The following DLGAP2 variants were observed in gnomAD, a reference collection of about 807,000 sequenced individuals.
DLGAP2 encodes the protein DLG associated protein 2, also known as disks large-associated protein 2.
A neutral mutation model predicts 100.3 loss-of-function variants in DLGAP2; 26 were observed. The ratio of observed to expected loss-of-function variants is 0.26; its 90% CI spans 0.19 to 0.36. The LOEUF is 0.36. Among genes scored for constraint, DLGAP2 ranks in the 10% least tolerant of loss-of-function variants. The probability of loss-of-function intolerance (pLI) is 1.00; values close to 1 mark genes in which losing one functional copy is unlikely to be tolerated. For synonymous variants in DLGAP2, 886 were observed against 630.1 expected, an observed-to-expected ratio of 1.41 and a Z score of -6.08; for missense variants, 1,858 against 1,453.2, an observed-to-expected ratio of 1.28 and a Z score of -4.53.
chr8:1,635,882 CCTG>C (rs1797754193), intron 8 of DLGAP2, among the ~76,000 whole-genome samples: 2 of 152,192 alleles, frequency 1.3e-5, no homozygotes, highest in Admixed American at 1.3e-4. Context: ...CCCCAGTTCA[CCTG>C]CTTTTTCACT....
intron 2 of DLGAP2, among the ~76,000 whole-genome samples, chr8:1,175,429 C>G (rs1456051322): frequency 6.6e-6 from 1 of 152,278 alleles, no homozygotes; most frequent in East Asian, 1.9e-4. Flanking sequence ...CTAAAATAGC[C>G]TTCATTTATA....
intron 3 of DLGAP2, among the ~76,000 whole-genome samples, chr8:1,390,770 C>G (rs1404164907): frequency 1.3e-5 from 2 of 152,212 alleles, no homozygotes; most frequent in Admixed American, 1.3e-4. Flanking sequence ...TTCAGCTCAA[C>G]CCTCTGTTAC....
At chr8:1,355,727 C>A (rs11784555) in intron 3 of DLGAP2, among the ~76,000 whole-genome samples, 3 of 151,964 alleles carry the variant, frequency 2.0e-5, no homozygotes, top group Non-Finnish European at 4.4e-5. Context: ...CCACAGAGCT[C>A]TGAACAAGAC....
At chr8:1,470,174 T>A (rs1798740758) in intron 3 of DLGAP2, among the ~76,000 whole-genome samples, 1 of 151,698 alleles carries the variant, frequency 6.6e-6, no homozygotes, top group Non-Finnish European at 1.5e-5. Context: ...AAGAAAAGCC[T>A]CAGTTGTGGC....
chr8:808,551 G>A (rs1055472900), intron 1 of DLGAP2, among the ~76,000 whole-genome samples: 1 of 152,206 alleles, frequency 6.6e-6, no homozygotes, highest in Non-Finnish European at 1.5e-5. Flanking sequence ...AAACTGAAGG[G>A]TGGGGTTGGT....
intron 2 of DLGAP2, among the ~76,000 whole-genome samples, chr8:924,737 C>G (rs569730907): frequency 6.6e-5 from 10 of 152,178 alleles, no homozygotes; most frequent in African/African-American, 2.2e-4. Flanking sequence ...CATGCACCAC[C>G]ATGCCTGGCT....
chr8:777,168 G>T (rs1187098878), intron 1 of DLGAP2, among the ~76,000 whole-genome samples: 1 of 152,032 alleles, frequency 6.6e-6, no homozygotes, highest in Non-Finnish European at 1.5e-5. Flanking sequence ...GACTAGGATT[G>T]CAACCCCTGC....
chr8:769,443 A>G (rs1489691350), intron 1 of DLGAP2, among the ~76,000 whole-genome samples: 3 of 152,098 alleles, frequency 2.0e-5, no homozygotes, highest in Non-Finnish European at 4.4e-5. Context: ...CGAATACAGG[A>G]AAAAGGGACA....
intron 3 of DLGAP2, among the ~76,000 whole-genome samples, chr8:1,363,330 CT>C (rs1481779902): frequency 2.0e-5 from 3 of 152,194 alleles, no homozygotes; most frequent in African/African-American, 7.2e-5. Flanking sequence ...CCGTGGCATG[CT>C]TGCGGCTGTC....
intron 3 of DLGAP2, among the ~76,000 whole-genome samples, chr8:1,494,541 C>T (rs1260373358): frequency 6.6e-6 from 1 of 152,080 alleles, no homozygotes; most frequent in Admixed American, 6.5e-5. Flanking sequence ...CAAGCCTGGC[C>T]AACATGATGA....
At chr8:1,670,491 C>T (rs1175524004) in intron 10 of DLGAP2, among the ~76,000 whole-genome samples, 7 of 152,366 alleles carry the variant, frequency 4.6e-5, no homozygotes, top group Admixed American at 6.5e-5. Flanking sequence ...CAGCCCCACA[C>T]ACTGTGTCCT....
At chr8:1,671,682 C>G (rs989054043) in intron 10 of DLGAP2, among the ~76,000 whole-genome samples, 17 of 152,348 alleles carry the variant, frequency 1.1e-4, no homozygotes, top group Middle Eastern at 3.4e-3. Flanking sequence ...CAGCTCACAC[C>G]TCCTATGGCC....
intron 3 of DLGAP2, among the ~76,000 whole-genome samples, chr8:1,351,900 T>G (rs1801737635): frequency 1.3e-5 from 1 of 78,946 alleles, no homozygotes; most frequent in Non-Finnish European, 2.6e-5. Context: ...GCCGTGCGGG[T>G]CCTGACTGTG....
intron 6 of DLGAP2, among the ~76,000 whole-genome samples, chr8:1,602,621 C>T (rs893362675): frequency 6.6e-6 from 1 of 152,214 alleles, no homozygotes; most frequent in Admixed American, 6.5e-5. Context: ...CCAGCTACTC[C>T]AGGCTGACCC....
intron 2 of DLGAP2, among the ~76,000 whole-genome samples, chr8:1,000,963 C>A (rs938733540): frequency 2.0e-5 from 3 of 152,134 alleles, no homozygotes; most frequent in Non-Finnish European, 2.9e-5. Context: ...GGGATTTCCT[C>A]AGTGTAGGCA....
chr8:911,410 C>T (rs1313256881), intron 2 of DLGAP2, among the ~76,000 whole-genome samples: 9 of 151,610 alleles, frequency 5.9e-5, no homozygotes, highest in Non-Finnish European at 1.3e-4. Context: ...ATGTTGGAAA[C>T]ATACTGGAGA....
At chr8:1,340,218 A>C (rs141503091) in intron 3 of DLGAP2, among the ~76,000 whole-genome samples, 69 of 152,362 alleles carry the variant, frequency 4.5e-4, no homozygotes, top group African/African-American at 1.6e-3. Context: ...ATGGCAACAA[A>C]AGCAAAAATT....
intron 2 of DLGAP2, among the ~76,000 whole-genome samples, chr8:1,067,083 A>AGGTG (rs1020261175): frequency 1.3e-5 from 2 of 152,114 alleles, no homozygotes; most frequent in Admixed American, 1.3e-4. Context: ...GTCTGATCCC[A>AGGTG]GGTGGGTGGG....
chr8:942,004 T>A (rs2129005441), intron 2 of DLGAP2, among the ~76,000 whole-genome samples: 3 of 152,302 alleles, frequency 2.0e-5, no homozygotes, highest in Admixed American at 2.0e-4. Flanking sequence ...AAAATGGTCT[T>A]TTTTTGTAGA....
Sources: allele counts gnomAD v4.1 joint callset (sites outside exome capture counted in the v4.1 genomes callset), GRCh38; gene constraint gnomAD v4.1.1; transcripts MANE v1.5; gene names NCBI Gene and HGNC (gene_info 2026-07-23, HGNC 2026-07-21).